The following AKAP9 variants were observed in gnomAD, a reference collection of about 807,000 sequenced individuals.
AKAP9 encodes the protein A-kinase anchor protein 9.
In AKAP9, 311 loss-of-function variants were observed where a neutral mutation model predicts 488.5. The ratio of observed to expected loss-of-function variants is 0.64; its 90% CI spans 0.58 to 0.70. The LOEUF is 0.70. Ranked by LOEUF, AKAP9 falls within the 30% of genes least tolerant of loss-of-function variation. The pLI, the probability that AKAP9 is intolerant of heterozygous loss-of-function variation, is 0.00. For missense variants in AKAP9, 4,215 were observed against 4,374.5 expected, an observed-to-expected ratio of 0.96 and a Z score of 1.03; for synonymous variants, 1,462 against 1,483.5, an observed-to-expected ratio of 0.99 and a Z score of 0.33.
chr7:91,948,061 T>C (rs1345013051), intron 1 of AKAP9, among the ~76,000 whole-genome samples: 1 of 152,244 alleles, frequency 6.6e-6, no homozygotes. Context: ...ACCCTTTGTG[T>C]CTGGCTTCTT....
chr7:92,050,219 C>T (rs150033139), intron 21 of AKAP9, among the ~76,000 whole-genome samples: 1 of 152,218 alleles, frequency 6.6e-6, no homozygotes, highest in African/African-American at 2.4e-5. Context: ...CACGTGCCAC[C>T]ATGGCCAGCT....
At position 92,002,369 on chromosome 7, in the gene AKAP9, T is replaced by G; in HGVS notation, c.2452T>G (p.Trp818Gly). ...TAAGTCCAAATCCAAAGACTCTGTG[T>G]GGGAAAAAGAAATAGAAATACTTAT... ...SIKSKSKDSV[W>G]EKEIEILIEE... Residue 818 changes from tryptophan (W) to glycine (G), a missense_variant, in exon 8 of 50, where the codon TGG becomes GGG. Coordinates refer to ENST00000356239, the MANE Select transcript of AKAP9 (RefSeq NM_005751.5). The G allele has an allele frequency of 6.2e-7, 1 of 1,611,780 alleles. No homozygotes were observed. Among genetic ancestry groups the G allele is most frequent in the Non-Finnish European group, 8.5e-7 (1 of 1,179,106 alleles).
At chr7:91,998,418 C>CTT (rs60778133) in intron 7 of AKAP9, among the ~76,000 whole-genome samples, 1,946 of 53,930 alleles carry the variant, frequency 0.036, 592 homozygotes, top group Non-Finnish European at 0.053. Context: ...CCACAGGGCT[C>CTT]TTTTTTTTTT....
At chr7:91,947,431 C>T (rs1233386433) in intron 1 of AKAP9, among the ~76,000 whole-genome samples, 2 of 152,016 alleles carry the variant, frequency 1.3e-5, no homozygotes, top group African/African-American at 4.8e-5. Context: ...CAACCTCCAC[C>T]TCCTGGGTTC....
intron 29 of AKAP9, 56 bp downstream of exon 29, chr7:92,077,063 TTG>T: frequency 1.3e-6 from 1 of 757,330 alleles, no homozygotes; most frequent in Non-Finnish European, 1.9e-6. Context: ...CAGTCCTATA[TTG>T]CTTTATTATT....
chr7:91,948,449 G>GT (rs907920692), intron 1 of AKAP9, among the ~76,000 whole-genome samples: 16 of 150,222 alleles, frequency 1.1e-4, no homozygotes, highest in African/African-American at 2.7e-4. Flanking sequence ...TGTGTTTTCT[G>GT]TTTTTTTTGT....
Position 92,001,918 on chromosome 7 carries a change from A to T in AKAP9, c.2001A>T (p.Ile667=). Reference sequence around the variant, plus strand: ...TAGGCATTCACTATAAACAGCAGATAGATGGTTTACAGAATGAAATGAGTC... The same window carrying T: ...TAGGCATTCACTATAAACAGCAGATTGATGGTTTACAGAATGAAATGAGTC... ...DNLGIHYKQQ[I]DGLQNEMSQK... is the part of the protein sequence containing the mutation. Residue 667 remains isoleucine (I), a synonymous_variant, in exon 8 of 50, where the codon ATA becomes ATT. Transcript: ENST00000356239. 1 of 1,612,456 alleles carries T rather than the reference A, an allele frequency of 6.2e-7. No individual in the cohort carries two copies. Among genetic ancestry groups the T allele is most frequent in the Non-Finnish European group, 8.5e-7 (1 of 1,178,934 alleles).
chr7:92,063,626 C>G (rs376098258), intron 24 of AKAP9: 51 of 314,796 alleles, frequency 1.6e-4, no homozygotes, highest in African/African-American at 6.8e-4. Context: ...TCCATACTTA[C>G]AGTTTTTCTC....
At chr7:92,087,641 A>AT (rs1401779284) in intron 37 of AKAP9, among the ~76,000 whole-genome samples, 35 of 152,122 alleles carry the variant, frequency 2.3e-4, no homozygotes, top group African/African-American at 8.4e-4. Context: ...TTCTTGTAGA[A>AT]CTGATGATTC....
At chr7:92,084,618 A>G (rs375155331) in intron 33 of AKAP9, 22 bp from the exon 34 acceptor site, 33 of 1,579,472 alleles carry the variant, frequency 2.1e-5, no homozygotes, top group Non-Finnish European at 1.6e-5. Flanking sequence ...AAATATATGT[A>G]CTTTTTGTTT....
rs924931785 is a variant in AKAP9 at position 92,085,524 on chromosome 7, C to T, written c.8862C>T (p.Gly2954=). The change falls in exon 36 of 50, where the codon GGC becomes GGT. Residue 2954 remains glycine (G), a synonymous_variant. Transcript: ENST00000356239. ...KGLLRAVHNE[G]MQVLSLTESP... ...TACTGAGAGCTGTCCATAATGAAGG[C>T]ATGCAGGTGCTTTCTCTCACTGAGT... 1 of 1,614,098 alleles carries T rather than the reference C, an allele frequency of 6.2e-7. No homozygotes were observed. Among genetic ancestry groups the T allele is most frequent in the Non-Finnish European group, 8.5e-7 (1 of 1,180,014 alleles).
chr7:92,068,360 C>CG (rs1811103177), intron 26 of AKAP9, among the ~76,000 whole-genome samples: 1 of 132,058 alleles, frequency 7.6e-6, no homozygotes, highest in African/African-American at 3.0e-5. Flanking sequence ...AGCAAGACTC[C>CG]GTCTCAAAAA....
chr7:92,064,523 A>G (rs6465347), intron 24 of AKAP9, among the ~76,000 whole-genome samples: 60,848 of 151,874 alleles, frequency 0.4, 12,493 homozygotes, highest in African/African-American at 0.46. Context: ...CAGTTTACAT[A>G]TAAGGAAACT....
intron 8 of AKAP9, among the ~76,000 whole-genome samples, chr7:92,010,666 A>AT (rs1800615418): frequency 6.6e-6 from 1 of 151,840 alleles, no homozygotes; most frequent in Non-Finnish European, 1.5e-5. Context: ...GCCTTATTTT[A>AT]TTTTTTTAGA....
chr7:92,062,589 AT>A, intron 24 of AKAP9, 103 bp downstream of exon 24: 1 of 904,618 alleles, frequency 1.1e-6, no homozygotes. Flanking sequence ...TTATTCATAT[AT>A]TTTATAGAGA....
chr7:91,998,540 C>T (rs1282376583), intron 7 of AKAP9, among the ~76,000 whole-genome samples: 1 of 139,834 alleles, frequency 7.2e-6, no homozygotes, highest in African/African-American at 2.7e-5. Context: ...TGTTGTTTAA[C>T]GGTTGAAAGA....
Position 92,040,662 on chromosome 7 carries a change from TTACTA to T in AKAP9, c.4693-10_4693-6del. On this transcript the variant is annotated splice_region_variant and splice_polypyrimidine_tract_variant and intron_variant, in intron 17 of 49. Coordinates refer to ENST00000356239, the MANE Select transcript of AKAP9 (RefSeq NM_005751.5). Reference sequence around the variant, plus strand: ...GGTTGAATTGTTTTTTTTTTTTTTTTTACTATTAAAGATTCATGATGAGATTTCAG... The same window carrying T: ...GGTTGAATTGTTTTTTTTTTTTTTTTTTAAAGATTCATGATGAGATTTCAG... 1 of 1,514,514 alleles carries T rather than the reference TTACTA, an allele frequency of 6.6e-7. No individual in the cohort carries two copies. The highest frequency in any genetic ancestry group is 9.0e-7 in the Non-Finnish European group (1 of 1,109,642). 93.8% of individuals were successfully genotyped at this position (1,514,514 alleles called of 1,614,324 possible). A position where few individuals can be genotyped will look rare whatever the true frequency, so the allele number is the denominator to read the frequency against.
At chr7:91,950,554 A>T (rs1191939985) in intron 1 of AKAP9, among the ~76,000 whole-genome samples, 1 of 152,140 alleles carries the variant, frequency 6.6e-6, no homozygotes, top group Non-Finnish European at 1.5e-5. Context: ...TATTCAAGTT[A>T]GTATTGCCTT....
chr7:92,070,338 C>G, intron 27 of AKAP9, 132 bp downstream of exon 27: 1 of 1,045,810 alleles, frequency 9.6e-7, no homozygotes, highest in Non-Finnish European at 1.4e-6. Flanking sequence ...TCTGTTTGTT[C>G]TTATTTCCAA....
Sources: gnomAD v4.1 joint callset for allele counts (sites outside exome capture counted in the v4.1 genomes callset) on GRCh38, gnomAD v4.1.1 for gene constraint, MANE v1.5 for transcripts, NCBI Gene and HGNC (gene_info 2026-07-23, HGNC 2026-07-21) for gene names.